Variants in SBF1 observed in about 807,000 individuals in gnomAD.
The protein encoded by SBF1 is SET binding factor 1.
A neutral mutation model predicts 215.8 loss-of-function variants in SBF1; 65 were observed. The observed-to-expected ratio is 0.30, with a 90% CI of 0.25 to 0.37. SBF1 has a LOEUF of 0.37. SBF1 is among the 10% of genes least tolerant of loss of function. The probability of loss-of-function intolerance (pLI) is 1.00; values close to 1 mark genes in which losing one functional copy is unlikely to be tolerated. For missense variants in SBF1, 2,634 were observed against 2,667.8 expected, an observed-to-expected ratio of 0.99 and a Z score of 0.28; for synonymous variants, 1,410 against 1,122.8, an observed-to-expected ratio of 1.26 and a Z score of -5.11.
chr22:50,473,093 G>A (rs1039194528), intron 1 of SBF1, among the ~76,000 whole-genome samples: 1 of 152,046 alleles, frequency 6.6e-6, no homozygotes, highest in Non-Finnish European at 1.5e-5. Context: ...AGCTTGTTGT[G>A]GAGCCCACTC....
intron 1 of SBF1, among the ~76,000 whole-genome samples, chr22:50,474,164 G>A (rs1279487302): frequency 1.3e-5 from 2 of 152,230 alleles, no homozygotes; most frequent in Non-Finnish European, 2.9e-5. Context: ...GGCGTGCAGG[G>A]CCTGGACCGT....
In SBF1 at chr22:50,467,858, G is replaced by A. The variant is rs1603434417; in HGVS notation, c.207C>T (p.Val69=). 1.2e-6 allele frequency: 2 copies of A among 1,614,026 alleles called. No individual in the cohort carries two copies. The highest frequency in any genetic ancestry group is 2.2e-5 in the East Asian group (1 of 44,886). Residue 69 remains valine (V), a synonymous_variant, in exon 3 of 41, where the codon GTC becomes GTT. Coordinates refer to ENST00000380817, the MANE Select transcript of SBF1 (RefSeq NM_002972.4). ...ERNPPTFFVA[V]LTDINSERHY... is the part of the protein sequence containing the mutation. ...GGCGCTCGGAGTTGATGTCGGTGAGGACAGCAACAAAGAAGGTCGGTGGAT... is the reference window on the plus strand; with the variant it reads ...GGCGCTCGGAGTTGATGTCGGTGAGAACAGCAACAAAGAAGGTCGGTGGAT...
rs758613709 is a variant in SBF1 at position 50,459,354 on chromosome 22, TCTC to T, written c.3724_3726del (p.Glu1242del). ...GAGCTGACCACAGCCTGCAGGTACT[TCTC>T]CTGCTCCAGGCTACTCGAGTCCGCC... On this transcript the variant is annotated inframe_deletion, in exon 28 of 41. Transcript: ENST00000380817. 13 of 1,612,492 alleles carry T rather than the reference TCTC, an allele frequency of 8.1e-6. No individual in the cohort carries two copies. In the Admixed American group the frequency reaches 1.2e-4, roughly 14 times the overall value.
intron 1 of SBF1, among the ~76,000 whole-genome samples, chr22:50,471,076 G>A (rs1438219273): frequency 6.6e-6 from 1 of 152,168 alleles, no homozygotes; most frequent in African/African-American, 2.4e-5. Flanking sequence ...CCATCAGAGT[G>A]CTGCCTTTAC....
chr22:50,455,553 C>T lies in SBF1; in HGVS notation c.4296G>A (p.Leu1432=), dbSNP rs1036387331. The T allele has an allele frequency of 1.3e-6, 2 of 1,591,104 alleles. No homozygotes were observed. Among genetic ancestry groups the T allele is most frequent in the South Asian group, 1.1e-5 (1 of 88,336 alleles). ...AGCCTGAATCCAGGAGCTCCACCAC[C>T]AGCACAGACACCTGCAGCAGCTTGT... ...QIHKLLQVSV[L]VVELLDSGSS... The change falls in exon 32 of 41, where the codon CTG becomes CTA. Residue 1432 remains leucine, a synonymous_variant. Transcript: ENST00000380817.
chr22:50,447,091 C>A lies in SBF1; in HGVS notation c.*51G>T. ...ATGGCCGGGGCGGCCCTGCCCACCC[C>A]TAGTGGTCGGTAACGACCGGAAGCA... On this transcript the variant is annotated 3_prime_UTR_variant, in exon 41 of 41. Coordinates refer to ENST00000380817, the MANE Select transcript of SBF1 (RefSeq NM_002972.4). The A allele has an allele frequency of 6.5e-7, 1 of 1,535,148 alleles. No homozygotes were observed. The highest frequency in any genetic ancestry group is 8.9e-7 in the Non-Finnish European group (1 of 1,125,378).
At position 50,448,128 on chromosome 22, in the gene SBF1, A is replaced by C. The variant is rs6010041; in HGVS notation, c.5363+105T>G. 3 of 1,077,888 alleles carry C rather than the reference A, an allele frequency of 2.8e-6. No individual in the cohort carries two copies. The East Asian group carries it at 7.3e-5, about 26-fold the overall frequency. The allele number at this position is 1,077,888 out of a possible 1,614,324, so 66.8% of individuals were successfully genotyped here. A position where few individuals can be genotyped will look rare whatever the true frequency, so the allele number is the denominator to read the frequency against. On this transcript the variant is annotated intron_variant, in intron 38 of 40. Transcript: ENST00000380817. ...CCCTCCCAGTGGTGGTGTATACTTA[A>C]GCAAGCTCCTCAAAAGCACCCGCAA...
At chr22:50,471,910 T>G (rs1347944635) in intron 1 of SBF1, among the ~76,000 whole-genome samples, 5 of 152,176 alleles carry the variant, frequency 3.3e-5, no homozygotes, top group Non-Finnish European at 5.9e-5. Flanking sequence ...AAAGGTCTTT[T>G]TCTCAGATCC....
intron 1 of SBF1, among the ~76,000 whole-genome samples, chr22:50,473,089 T>C (rs1267609373): frequency 6.6e-6 from 1 of 152,122 alleles, no homozygotes; most frequent in Non-Finnish European, 1.5e-5. Flanking sequence ...AGCCAGCTTG[T>C]TGTGGAGCCC....
intron 36 of SBF1, among the ~76,000 whole-genome samples, chr22:50,450,952 T>G (rs2067021460): frequency 6.6e-6 from 1 of 151,824 alleles, no homozygotes; most frequent in South Asian, 2.1e-4. Context: ...TATATATATT[T>G]TTAAGTTATG....
At position 50,463,994 on chromosome 22, in the gene SBF1, T is replaced by C. The variant is rs141688800; in HGVS notation, c.1749+335A>G. Reference sequence around the variant, plus strand: ...GGTCACGTATGGAGGGAGCAAGCTCTGTTTTCCATCAAGTACAAAGAACAG... The same window carrying C: ...GGTCACGTATGGAGGGAGCAAGCTCCGTTTTCCATCAAGTACAAAGAACAG... On this transcript the variant is annotated intron_variant, in intron 15 of 40. Coordinates refer to ENST00000380817, the MANE Select transcript of SBF1 (RefSeq NM_002972.4). Among the ~76,000 whole-genome samples the C allele has an allele frequency of 3.7e-4, 56 of 152,312 alleles. No individual in the cohort carries two copies. In the East Asian group the frequency reaches 6.2e-3, roughly 17 times the overall value.
intron 1 of SBF1, among the ~76,000 whole-genome samples, chr22:50,469,629 C>T (rs762323781): frequency 3.0e-4 from 45 of 152,316 alleles, no homozygotes; most frequent in Middle Eastern, 3.4e-3. Context: ...CCGCAGGTCC[C>T]CAGGGCCCAT....
At chr22:50,459,866 C>T (rs1247380524) in intron 26 of SBF1, 86 bp downstream of exon 26, 2 of 1,497,490 alleles carry the variant, frequency 1.3e-6, no homozygotes, top group African/African-American at 2.8e-5. Context: ...CTTACATGAC[C>T]AGAAGCCGTG....
In SBF1 at chr22:50,457,043, C is replaced by A. The variant is rs761548255; in HGVS notation, c.3895G>T (p.Ala1299Ser). The A allele has an allele frequency of 6.9e-7, 1 of 1,441,590 alleles. No individual in the cohort carries two copies. The highest frequency in any genetic ancestry group is 9.1e-7 in the Non-Finnish European group (1 of 1,100,674). The allele number at this position is 1,441,590 out of a possible 1,614,324, so 89.3% of individuals were successfully genotyped here. Reference protein sequence around the residue: ...PMAASASRRTAPRGKWGSVRT... With the variant: ...PMAASASRRTSPRGKWGSVRT... ...AGGCTCGGTACGGTACCTCGGGGTG[C>A]GGTCCGTCTGGAGGCCGAGGCCGCC... Residue 1299 changes from alanine (A) to serine (S), a missense_variant, in exon 29 of 41, where the codon GCA (alanine) becomes TCA (serine). Coordinates refer to ENST00000380817, the MANE Select transcript of SBF1 (RefSeq NM_002972.4).
chr22:50,465,172 T>C (rs367914607), intron 11 of SBF1, 43 bp from the exon 12 acceptor site: 38 of 1,613,572 alleles, frequency 2.4e-5, no homozygotes, highest in African/African-American at 1.9e-4. Context: ...GTCTCCACCA[T>C]GCGCTTATCT....
chr22:50,446,356 T>TCGTCCCCCCCCCC lies in SBF1; in HGVS notation c.*785_*786insGGGGGGGGGGACG, dbSNP rs1491577679. 1 of 35,048 alleles carries TCGTCCCCCCCCCC rather than the reference T, an allele frequency of 2.9e-5. No individual in the cohort carries two copies. The highest frequency in any genetic ancestry group is 1.3e-4 in the African/African-American group (1 of 7,646). The allele number at this position is 35,048 out of a possible 1,614,324, so 2.2% of individuals were successfully genotyped here. On this transcript the variant is annotated 3_prime_UTR_variant, in exon 41 of 41. Coordinates refer to ENST00000380817, the MANE Select transcript of SBF1 (RefSeq NM_002972.4). ...CCTGCATTCCCCTGGGAGCCCACTG[T>TCGTCCCCCCCCCC]CCCCCCCCCCCCCCCGCCTCCGGCC...
chr22:50,457,305 A>G, intron 28 of SBF1, 194 bp from the exon 29 acceptor site: 1 of 470,908 alleles, frequency 2.1e-6, no homozygotes, highest in Non-Finnish European at 3.7e-6. Context: ...AGGGCAGGGC[A>G]GGCCGCAGAG....
At position 50,460,061 on chromosome 22, in the gene SBF1, G is replaced by C. The variant is rs747913842; in HGVS notation, c.3382C>G (p.Arg1128Gly). ...MSSLVERACC[R>G]DYQRLGLGTL... is the part of the protein sequence containing the mutation. ...CCCAGACCGAGGCGCTGGTAGTCGC[G>C]ACAGCAAGCCCTTTCCACCAGGCTG... Residue 1128 changes from arginine to glycine, a missense_variant, in exon 26 of 41, where the codon CGC (arginine) becomes GGC (glycine). Transcript: ENST00000380817. 6.2e-7 allele frequency: 1 copy of C among 1,613,960 alleles called. No homozygotes were observed. The highest frequency in any genetic ancestry group is 8.5e-7 in the Non-Finnish European group (1 of 1,179,976).
At chr22:50,462,501 G>C (rs2067559929) in intron 18 of SBF1, 28 bp from the exon 19 acceptor site, 1 of 1,611,950 alleles carries the variant, frequency 6.2e-7, no homozygotes, top group African/African-American at 1.3e-5. Context: ...GCATGAGCCG[G>C]GGCCACGCTG....
Sources: gnomAD v4.1 joint callset for allele counts (sites outside exome capture counted in the v4.1 genomes callset) on GRCh38, gnomAD v4.1.1 for gene constraint, MANE v1.5 for transcripts, NCBI Gene and HGNC (gene_info 2026-07-23, HGNC 2026-07-21) for gene names.